Variants in PLXDC1 observed in about 807,000 individuals in gnomAD.
PLXDC1 encodes plexin domain-containing protein 1.
A neutral mutation model predicts 61.3 loss-of-function variants in PLXDC1; 39 were observed. That is an observed-to-expected ratio of 0.64 (90% CI 0.49 to 0.83). The LOEUF (loss-of-function observed/expected upper bound fraction) is 0.83, where lower values mean the gene tolerates loss of function less well. Among genes scored for constraint, PLXDC1 ranks in the 40% least tolerant of loss-of-function variants. PLXDC1 has a pLI of 0.00. For missense variants in PLXDC1, 596 were observed against 666.5 expected (o/e 0.89, Z 1.17); for synonymous variants, 212 against 254.5 (o/e 0.83, Z 1.59).
chr17:39,132,535 AG>A (rs79212903), intron 2 of PLXDC1, among the ~76,000 whole-genome samples: 13,303 of 152,232 alleles, frequency 0.087, 701 homozygotes, highest in Middle Eastern at 0.22. Flanking sequence ...GGTTCTGACC[AG>A]GGTCCTCGGA....
At chr17:39,123,798 C>G (rs1337475985) in intron 2 of PLXDC1, among the ~76,000 whole-genome samples, 1 of 152,196 alleles carries the variant, frequency 6.6e-6, no homozygotes. Context: ...CAAGACATTT[C>G]TGGACAGGAA....
intron 2 of PLXDC1, among the ~76,000 whole-genome samples, chr17:39,124,405 C>A (rs1389551726): frequency 6.6e-6 from 1 of 152,154 alleles, no homozygotes; most frequent in Non-Finnish European, 1.5e-5. Flanking sequence ...CCAGCCTGGG[C>A]AACATAGGGA....
chr17:39,129,539 C>T (rs1039095373), intron 2 of PLXDC1, among the ~76,000 whole-genome samples: 10 of 151,466 alleles, frequency 6.6e-5, no homozygotes, highest in South Asian at 2.1e-4. Context: ...ATCGTTTGAA[C>T]CCGGGAGGCG....
chr17:39,143,244 T>C (rs1911992452), intron 1 of PLXDC1, among the ~76,000 whole-genome samples: 1 of 152,214 alleles, frequency 6.6e-6, no homozygotes, highest in Middle Eastern at 3.2e-3. Flanking sequence ...ACACCTACTA[T>C]GGATGTATAT....
chr17:39,124,670 C>G (rs1049397080), intron 2 of PLXDC1, among the ~76,000 whole-genome samples: 1 of 152,206 alleles, frequency 6.6e-6, no homozygotes, highest in Non-Finnish European at 1.5e-5. Flanking sequence ...GGTTCTTGTC[C>G]TGGTTTTGCC....
intron 2 of PLXDC1, chr17:39,113,148 G>A (rs1782237861): frequency 1.3e-5 from 2 of 152,152 alleles, no homozygotes; most frequent in South Asian, 4.1e-4. Context: ...TCACAATGAA[G>A]GCAGAGATTA....
At chr17:39,068,052 C>T (rs979643525) in intron 13 of PLXDC1, 93 bp from the exon 14 acceptor site, 15 of 1,269,924 alleles carry the variant, frequency 1.2e-5, no homozygotes, top group Non-Finnish European at 1.5e-5. Context: ...AAGACTGTCT[C>T]TTATAAGGGC....
At chr17:39,070,297 A>G (rs1202948106) in intron 12 of PLXDC1, 2 of 303,256 alleles carry the variant, frequency 6.6e-6, no homozygotes, top group East Asian at 5.7e-5. Flanking sequence ...GTGCCACTAC[A>G]TAAGTGCTAT....
At chr17:39,119,318 G>A (rs1386072305) in intron 2 of PLXDC1, among the ~76,000 whole-genome samples, 2 of 152,202 alleles carry the variant, frequency 1.3e-5, no homozygotes, top group Non-Finnish European at 2.9e-5. Context: ...GAGTGTGAAT[G>A]AGCCCACCAC....
chr17:39,086,912 A>G (rs1909763589), intron 8 of PLXDC1, among the ~76,000 whole-genome samples: 1 of 150,608 alleles, frequency 6.6e-6, no homozygotes, highest in African/African-American at 2.4e-5. Flanking sequence ...CCACTGAGGC[A>G]GGGAGAAGGC....
At chr17:39,085,515 C>A (rs895451120) in intron 8 of PLXDC1, among the ~76,000 whole-genome samples, 1 of 152,158 alleles carries the variant, frequency 6.6e-6, no homozygotes, top group Non-Finnish European at 1.5e-5. Context: ...GTGGAGCTGA[C>A]AGTGAGAGGT....
chr17:39,118,731 C>T (rs1213487440), intron 2 of PLXDC1, among the ~76,000 whole-genome samples: 1 of 152,166 alleles, frequency 6.6e-6, no homozygotes, highest in Non-Finnish European at 1.5e-5. Context: ...ACTGATTGGA[C>T]ATAGGTAATC....
At chr17:39,116,536 G>C (rs1039263630) in intron 2 of PLXDC1, among the ~76,000 whole-genome samples, 1 of 152,204 alleles carries the variant, frequency 6.6e-6, no homozygotes, top group Non-Finnish European at 1.5e-5. Context: ...CACTTGTGGA[G>C]GAACCAGCTG....
chr17:39,086,927 G>A (rs998510765), intron 8 of PLXDC1, among the ~76,000 whole-genome samples: 1 of 151,862 alleles, frequency 6.6e-6, no homozygotes, highest in African/African-American at 2.4e-5. Context: ...GAAGGCCATG[G>A]CTTCAGCAGG....
At chr17:39,131,031 T>C (rs1388508622) in intron 2 of PLXDC1, among the ~76,000 whole-genome samples, 2 of 152,126 alleles carry the variant, frequency 1.3e-5, no homozygotes, top group Non-Finnish European at 2.9e-5. Context: ...AGCAGTGTTG[T>C]GACCCGAAGC....
At chr17:39,129,711 G>GAAGGAAGGAAAGAAAGAAA (rs1249381083) in intron 2 of PLXDC1, among the ~76,000 whole-genome samples, 5 of 108,256 alleles carry the variant, frequency 4.6e-5, no homozygotes, top group African/African-American at 1.8e-4. Flanking sequence ...AAAGAAAGAA[G>GAAGGAAGGAAAGAAAGAAA]GAAAGAAAGA....
chr17:39,085,308 A>G (rs991210271), intron 8 of PLXDC1, among the ~76,000 whole-genome samples: 1 of 152,010 alleles, frequency 6.6e-6, no homozygotes, highest in Admixed American at 6.5e-5. Flanking sequence ...GCCCTGGGAG[A>G]GTGGATGGAA....
At chr17:39,145,040 G>A (rs1912051966) in intron 1 of PLXDC1, among the ~76,000 whole-genome samples, 2 of 152,206 alleles carry the variant, frequency 1.3e-5, no homozygotes, top group Admixed American at 1.3e-4. Flanking sequence ...CAAGGTCACA[G>A]AACCAGTCCA....
At chr17:39,106,016 C>A (rs1910580979) in intron 6 of PLXDC1, 63 bp from the exon 7 acceptor site, 3 of 1,083,290 alleles carry the variant, frequency 2.8e-6, no homozygotes. Flanking sequence ...CCAGCCCTCC[C>A]CTGTGAGCTC....
Sources: allele counts gnomAD v4.1 joint callset (sites outside exome capture counted in the v4.1 genomes callset), GRCh38; gene constraint gnomAD v4.1.1; transcripts MANE v1.5; gene names NCBI Gene and HGNC (gene_info 2026-07-23, HGNC 2026-07-21).